Variants in SLCO3A1 observed in about 807,000 individuals in gnomAD.
The protein encoded by SLCO3A1 is PGE1 transporter.
A neutral mutation model predicts 63.1 loss-of-function variants in SLCO3A1; 27 were observed. The ratio of observed to expected loss-of-function variants is 0.43; its 90% CI spans 0.32 to 0.59. SLCO3A1 has a LOEUF of 0.59. SLCO3A1 is among the 20% of genes least tolerant of loss of function. The pLI is 0.09. For missense variants in SLCO3A1, 773 were observed against 945.8 expected (o/e 0.82, Z 2.40); for synonymous variants, 473 against 409.9 (o/e 1.15, Z -1.86).
chr15:92,127,379 G>A lies in SLCO3A1; in HGVS notation c.1374-972G>A, dbSNP rs2047938331. On this transcript the variant is annotated intron_variant, in intron 6 of 9. Transcript: ENST00000318445. Reference sequence around the variant, plus strand: ...AAAAGTGTATATCCTACATCACACAGCCCTAGTTCCAGCGCCTCCTCTACC... The same window carrying A: ...AAAAGTGTATATCCTACATCACACAACCCTAGTTCCAGCGCCTCCTCTACC... 1.4e-5 allele frequency among the ~76,000 whole-genome samples: 2 copies of A among 139,200 alleles called. 1 individual carries two copies. Among genetic ancestry groups the A allele is most frequent in the South Asian group, 4.7e-4 (2 of 4,262 alleles). 91.3% of individuals were successfully genotyped at this position (139,200 alleles called of 152,430 possible). A position where few individuals can be genotyped will look rare whatever the true frequency, so the allele number is the denominator to read the frequency against.
At chr15:91,945,111 C>G (rs756580048) in intron 2 of SLCO3A1, among the ~76,000 whole-genome samples, 1 of 151,732 alleles carries the variant, frequency 6.6e-6, no homozygotes, top group African/African-American at 2.4e-5. Flanking sequence ...TTTGGGAGGC[C>G]GAGGCAGGCG....
chr15:92,136,214 T>A (rs1189757293), intron 7 of SLCO3A1, among the ~76,000 whole-genome samples: 1 of 152,166 alleles, frequency 6.6e-6, no homozygotes, highest in Non-Finnish European at 1.5e-5. Flanking sequence ...CCTTTCAAGT[T>A]TCCATAGAAG....
At chr15:92,095,247 A>G (rs1268151663) in intron 3 of SLCO3A1, among the ~76,000 whole-genome samples, 1 of 152,238 alleles carries the variant, frequency 6.6e-6, no homozygotes, top group Non-Finnish European at 1.5e-5. Flanking sequence ...TATTTTCCTT[A>G]TCTGTAAATA....
rs1330468919 is a variant in SLCO3A1, at chr15:91,860,144, G to A, written c.180+6056G>A. On this transcript the variant is annotated intron_variant, in intron 1 of 9. Transcript: ENST00000318445. The surrounding 1 kb of genome is among the most constrained non-coding windows in gnomAD (Gnocchi z 5.5). Reference sequence around the variant, plus strand: ...GGGTACTTGAAGGAGGTTAAAGCAGGGCAGGCAGGACTGGCTGGGCGGGGC... The same window carrying A: ...GGGTACTTGAAGGAGGTTAAAGCAGAGCAGGCAGGACTGGCTGGGCGGGGC... 6.6e-6 allele frequency among the ~76,000 whole-genome samples: 1 copy of A among 152,160 alleles called. No individual in the cohort carries two copies. Among genetic ancestry groups the A allele is most frequent in the East Asian group, 1.9e-4 (1 of 5,186 alleles).
chr15:92,128,518 G>T (rs755173707), intron 7 of SLCO3A1, 29 bp downstream of exon 7: 1 of 1,578,996 alleles, frequency 6.3e-7, no homozygotes, highest in East Asian at 2.3e-5. Flanking sequence ...GGATGGGGCA[G>T]GGGATTCAGG....
intron 4 of SLCO3A1, among the ~76,000 whole-genome samples, chr15:92,118,676 G>C (rs996355614): frequency 2.0e-5 from 3 of 152,154 alleles, no homozygotes; most frequent in Non-Finnish European, 4.4e-5. Context: ...TTGGAATGCA[G>C]TGTGAGACTC....
At chr15:92,160,910 CATGG>C in intron 9 of SLCO3A1, among the ~76,000 whole-genome samples, 1 of 152,180 alleles carries the variant, frequency 6.6e-6, no homozygotes, top group Admixed American at 6.5e-5. Flanking sequence ...TTCCAGCAAT[CATGG>C]ATGGACTTCA....
intron 4 of SLCO3A1, 28 bp downstream of exon 4, chr15:92,104,570 C>T: frequency 1.2e-6 from 2 of 1,603,716 alleles, no homozygotes; most frequent in Non-Finnish European, 8.5e-7. Context: ...TGCCTCTGCT[C>T]AGAACAGTAG....
intron 2 of SLCO3A1, among the ~76,000 whole-genome samples, chr15:92,000,815 C>G (rs1460079076): frequency 6.6e-6 from 1 of 152,166 alleles, no homozygotes; most frequent in Admixed American, 6.5e-5. Flanking sequence ...GTGCTGGTAC[C>G]TTGCCTGTGT....
rs1387420363 is a variant in SLCO3A1 at position 91,856,964 on chromosome 15, C to T, written c.180+2876C>T. Among the ~76,000 whole-genome samples, 6 of 151,752 alleles carry T rather than the reference C, an allele frequency of 4.0e-5. No individual in the cohort carries two copies. The highest frequency in any genetic ancestry group is 7.4e-5 in the Non-Finnish European group (5 of 67,980). Reference sequence around the variant, plus strand: ...TCCTGAATGACACTAGTGTAGGCTTCCCAACTGCAGAACTGAAGCAGAAGG... The same window carrying T: ...TCCTGAATGACACTAGTGTAGGCTTTCCAACTGCAGAACTGAAGCAGAAGG... On this transcript the variant is annotated intron_variant, in intron 1 of 9. Coordinates refer to ENST00000318445, the MANE Select transcript of SLCO3A1 (RefSeq NM_013272.4). This position sits in a 1 kb window ranked among gnomAD's most constrained non-coding sequence, Gnocchi z 4.9.
chr15:92,011,087 G>T (rs1453959479), intron 2 of SLCO3A1, among the ~76,000 whole-genome samples: 1 of 152,146 alleles, frequency 6.6e-6, no homozygotes, highest in Non-Finnish European at 1.5e-5. Flanking sequence ...CATGACCAGG[G>T]CCCCTGCCAC....
intron 2 of SLCO3A1, among the ~76,000 whole-genome samples, chr15:92,037,039 C>G (rs1052190007): frequency 6.6e-6 from 1 of 152,036 alleles, no homozygotes; most frequent in African/African-American, 2.4e-5. Flanking sequence ...TATACAGAAG[C>G]GAATAAAACC....
At chr15:92,076,005 C>T (rs2047272238) in intron 2 of SLCO3A1, among the ~76,000 whole-genome samples, 1 of 152,228 alleles carries the variant, frequency 6.6e-6, no homozygotes, top group African/African-American at 2.4e-5. Context: ...TCCTGCTAAA[C>T]TCTGTCGACT....
chr15:91,879,304 C>CTT (rs11381112), intron 1 of SLCO3A1, among the ~76,000 whole-genome samples: 80 of 146,610 alleles, frequency 5.5e-4, no homozygotes, highest in East Asian at 5.9e-4. Flanking sequence ...TTTTTTCTGC[C>CTT]TTTTTTTTTT....
chr15:92,030,053 A>AG (rs1274094549), intron 2 of SLCO3A1, among the ~76,000 whole-genome samples: 1 of 152,198 alleles, frequency 6.6e-6, no homozygotes, highest in African/African-American at 2.4e-5. Flanking sequence ...GGAGTCCCAA[A>AG]GGGGATTGGG....
chr15:91,917,162 G>A (rs929529001), intron 2 of SLCO3A1, among the ~76,000 whole-genome samples: 32 of 152,158 alleles, frequency 2.1e-4, no homozygotes, highest in African/African-American at 6.7e-4. Context: ...GGATGGCAGC[G>A]TGCAAGGTGA....
chr15:91,961,016 T>C (rs1900425126), intron 2 of SLCO3A1, among the ~76,000 whole-genome samples: 1 of 152,294 alleles, frequency 6.6e-6, no homozygotes, highest in South Asian at 2.1e-4. Context: ...CCATGAGGCT[T>C]TATTTTACTC....
Position 92,128,411 on chromosome 15 carries a change from A to T in SLCO3A1, c.1434A>T (p.Gln478His). Residue 478 changes from glutamine (Q) to histidine (H), a missense_variant, in exon 7 of 10, where the codon CAA (glutamine) becomes CAT (histidine). This residue lies in a region of SLCO3A1 where 565 missense variants were observed against 749.8 expected (regional missense o/e 0.75). Coordinates refer to ENST00000318445, the MANE Select transcript of SLCO3A1 (RefSeq NM_013272.4). The stretch of plus-strand genomic sequence containing the variant: ...CCTGCAATAATAACTGTGAATGCCA[A>T]ACCGATTCCTTCACTCCAGTGTGTG... ...YSPCNNNCECQTDSFTPVCGA... is the reference protein window; with the variant it reads ...YSPCNNNCECHTDSFTPVCGA... 1 of 1,614,132 alleles carries T rather than the reference A, an allele frequency of 6.2e-7. No individual in the cohort carries two copies. The highest frequency in any genetic ancestry group is 8.5e-7 in the Non-Finnish European group (1 of 1,180,016).
intron 3 of SLCO3A1, among the ~76,000 whole-genome samples, chr15:92,098,849 G>T (rs997458794): frequency 6.6e-6 from 1 of 152,312 alleles, no homozygotes; most frequent in East Asian, 1.9e-4. Context: ...AGTTACTCAT[G>T]CAAAGCATTT....
Sources: allele counts gnomAD v4.1 joint callset (sites outside exome capture counted in the v4.1 genomes callset), GRCh38; gene constraint gnomAD v4.1.1; regional missense constraint gnomAD v4.1.1; non-coding constraint Gnocchi (gnomAD v3.1); transcripts MANE v1.5; gene names NCBI Gene and HGNC (gene_info 2026-07-23, HGNC 2026-07-21).